POU2F1: variants seen among roughly 807,000 people sequenced by gnomAD.
The protein encoded by POU2F1 is POU domain, class 2, transcription factor 1.
A neutral mutation model predicts 84.9 loss-of-function variants in POU2F1; 16 were observed. The observed-to-expected ratio is 0.19, with a 90% CI of 0.13 to 0.29. POU2F1 has a LOEUF of 0.29. Ranked by LOEUF, POU2F1 falls within the 10% of genes least tolerant of loss-of-function variation. POU2F1 has a pLI of 1.00. For missense variants in POU2F1, 738 were observed against 942.6 expected (o/e 0.78, Z 2.84); for synonymous variants, 368 against 368.3 (o/e 1.00, Z 0.01).
At chr1:167,329,893 T>A (rs1039322795) in intron 1 of POU2F1, among the ~76,000 whole-genome samples, 5 of 152,200 alleles carry the variant, frequency 3.3e-5, no homozygotes, top group African/African-American at 7.2e-5. Context: ...TTAATTTTTT[T>A]AAAATCAACT....
chr1:167,382,589 CCTAA>C (rs1028145036), intron 7 of POU2F1, among the ~76,000 whole-genome samples: 1 of 151,984 alleles, frequency 6.6e-6, no homozygotes, highest in African/African-American at 2.4e-5. Flanking sequence ...TAAAGATCAC[CCTAA>C]CTATTATATG....
rs1470559635 is a variant in POU2F1, at chr1:167,407,153, C to T, written c.1556-4806C>T. On this transcript the variant is annotated intron_variant, in intron 13 of 15. Coordinates refer to ENST00000367866, the MANE Select transcript of POU2F1 (RefSeq NM_002697.4). Reference sequence around the variant, plus strand: ...TCAAGCAGTCCTCCCACTTCAGCCTCCCCGGTAGCTGGGACTATAGCCACA... The same window carrying T: ...TCAAGCAGTCCTCCCACTTCAGCCTTCCCGGTAGCTGGGACTATAGCCACA... Among the ~76,000 whole-genome samples, 5 of 152,194 alleles carry T rather than the reference C, an allele frequency of 3.3e-5. No individual in the cohort carries two copies. In the East Asian group the frequency reaches 9.7e-4, roughly 29 times the overall value.
At chr1:167,239,447 A>G (rs1021443401) in intron 1 of POU2F1, among the ~76,000 whole-genome samples, 4 of 152,186 alleles carry the variant, frequency 2.6e-5, no homozygotes, top group African/African-American at 9.7e-5. Context: ...AGTGCTGTCC[A>G]TGGGCAGCAG....
At chr1:167,366,488 C>T (rs1327174384) in intron 3 of POU2F1, among the ~76,000 whole-genome samples, 3 of 152,082 alleles carry the variant, frequency 2.0e-5, no homozygotes, top group Non-Finnish European at 4.4e-5. Flanking sequence ...CATCAGACCA[C>T]CTAAACTATA....
chr1:167,284,536 C>T (rs1036801073), intron 1 of POU2F1, among the ~76,000 whole-genome samples: 8 of 152,020 alleles, frequency 5.3e-5, no homozygotes, highest in Admixed American at 1.3e-4. Context: ...TTTAGGTATT[C>T]GAAAATATTC....
At chr1:167,413,184 TG>T in intron 15 of POU2F1, 70 bp downstream of exon 15, 2 of 1,272,290 alleles carry the variant, frequency 1.6e-6, no homozygotes, top group Non-Finnish European at 2.3e-6. Context: ...TGTGTGTGTG[TG>T]TGTGCTTGAG....
At chr1:167,283,907 TC>T (rs1466751340) in intron 1 of POU2F1, among the ~76,000 whole-genome samples, 2 of 152,186 alleles carry the variant, frequency 1.3e-5, no homozygotes, top group Admixed American at 6.5e-5. Context: ...TTAATTTTGT[TC>T]CTTATCCCTA....
intron 2 of POU2F1, chr1:167,338,208 T>C (rs1374601691): frequency 4.3e-6 from 2 of 467,506 alleles, no homozygotes; most frequent in Non-Finnish European, 4.4e-6. Flanking sequence ...CTACTCAGCA[T>C]GAAGACAAGG....
intron 2 of POU2F1, among the ~76,000 whole-genome samples, chr1:167,338,798 G>A (rs1395623612): frequency 6.6e-6 from 1 of 151,992 alleles, no homozygotes; most frequent in East Asian, 1.9e-4. Context: ...ACTACATTTT[G>A]TTTATGCATT....
chr1:167,337,780 C>T (rs1305283573), intron 2 of POU2F1, among the ~76,000 whole-genome samples: 1 of 151,572 alleles, frequency 6.6e-6, no homozygotes, highest in African/African-American at 2.4e-5. Context: ...CAGACAAAAG[C>T]GCCCTATTCT....
intron 13 of POU2F1, among the ~76,000 whole-genome samples, chr1:167,409,980 T>A (rs1244450649): frequency 6.6e-6 from 1 of 152,056 alleles, no homozygotes; most frequent in Non-Finnish European, 1.5e-5. Flanking sequence ...TAAGAGAAGA[T>A]TAAAGCGAAA....
At chr1:167,254,182 G>A (rs553550142) in intron 1 of POU2F1, among the ~76,000 whole-genome samples, 1 of 152,140 alleles carries the variant, frequency 6.6e-6, no homozygotes, top group African/African-American at 2.4e-5. Flanking sequence ...CAAATGCCTC[G>A]GTTTCTTTTA....
intron 1 of POU2F1, among the ~76,000 whole-genome samples, chr1:167,277,036 G>T (rs1652777251): frequency 6.6e-6 from 1 of 152,118 alleles, no homozygotes; most frequent in Non-Finnish European, 1.5e-5. Context: ...AAGATCATCA[G>T]TGACCTTCAG....
intron 1 of POU2F1, among the ~76,000 whole-genome samples, chr1:167,331,990 A>C (rs1657108610): frequency 6.6e-6 from 1 of 152,034 alleles, no homozygotes; most frequent in African/African-American, 2.4e-5. Context: ...CTTTTAGTTC[A>C]TAGGTTGAGT....
Position 167,348,999 on chromosome 1 carries a change from C to A in POU2F1, c.127+16464C>A, listed in dbSNP as rs142996933. 7.2e-4 allele frequency among the ~76,000 whole-genome samples: 110 copies of A among 152,116 alleles called. 1 individual carries two copies. The highest frequency in any genetic ancestry group is 2.6e-3 in the African/African-American group (109 of 41,484). Reference sequence around the variant, plus strand: ...TCTTTTGTATTACTTATTTACTTGTCTGCCACCCAAACCTAACTGTGAGCT... The same window carrying A: ...TCTTTTGTATTACTTATTTACTTGTATGCCACCCAAACCTAACTGTGAGCT... On this transcript the variant is annotated intron_variant, in intron 2 of 15. Transcript: ENST00000367866.
intron 1 of POU2F1, among the ~76,000 whole-genome samples, chr1:167,254,447 A>T (rs1278217753): frequency 6.6e-6 from 1 of 152,234 alleles, no homozygotes; most frequent in Non-Finnish European, 1.5e-5. Flanking sequence ...TTGAATTTTG[A>T]TGTAGGGATA....
chr1:167,370,870 C>A (rs949668980), intron 4 of POU2F1, among the ~76,000 whole-genome samples: 17 of 152,190 alleles, frequency 1.1e-4, no homozygotes, highest in Non-Finnish European at 5.9e-5. Flanking sequence ...CTTCTTTGAA[C>A]CATATGGCAC....
At chr1:167,222,767 T>C (rs1648333830) in intron 1 of POU2F1, among the ~76,000 whole-genome samples, 1 of 152,216 alleles carries the variant, frequency 6.6e-6, no homozygotes, top group Non-Finnish European at 1.5e-5. Context: ...AAAAAGACTT[T>C]CTTATACTTT....
intron 13 of POU2F1, among the ~76,000 whole-genome samples, chr1:167,402,746 A>T (rs1649297827): frequency 6.6e-6 from 1 of 152,240 alleles, no homozygotes; most frequent in East Asian, 1.9e-4. Context: ...TATAATATTG[A>T]GCACTTCCAC....
Sources: gnomAD v4.1 joint callset for allele counts (sites outside exome capture counted in the v4.1 genomes callset) on GRCh38, gnomAD v4.1.1 for gene constraint, MANE v1.5 for transcripts, NCBI Gene and HGNC (gene_info 2026-07-23, HGNC 2026-07-21) for gene names.